SNX13: variants seen among roughly 807,000 people sequenced by gnomAD.
SNX13 encodes sorting nexin-13.
In SNX13, 45 loss-of-function variants were observed where a neutral mutation model predicts 133.6. That is an observed-to-expected ratio of 0.34 (90% CI 0.27 to 0.43). The LOEUF is 0.43. Ranked by LOEUF, SNX13 falls within the 20% of genes least tolerant of loss-of-function variation. The pLI is 1.00. For synonymous variants in SNX13, 414 were observed against 373.9 expected (o/e 1.11, Z -1.24); for missense variants, 1,032 against 1,145.1 (o/e 0.90, Z 1.43).
At chr7:17,860,158 GT>G (rs200380819) in intron 9 of SNX13, among the ~76,000 whole-genome samples, 6 of 149,810 alleles carry the variant, frequency 4.0e-5, no homozygotes, top group Admixed American at 6.6e-5. Context: ...CTGATATTTT[GT>G]TTTTTTTTCT....
intron 1 of SNX13, among the ~76,000 whole-genome samples, chr7:17,904,734 A>G (rs1194936896): frequency 6.6e-6 from 1 of 152,172 alleles, no homozygotes. Flanking sequence ...TGAGTCACAG[A>G]AATTATATAT....
At chr7:17,883,778 T>C (rs1795649002) in intron 5 of SNX13, among the ~76,000 whole-genome samples, 1 of 152,090 alleles carries the variant, frequency 6.6e-6, no homozygotes, top group Non-Finnish European at 1.5e-5. Context: ...GTTCTCATCG[T>C]TCTCATCTCA....
chr7:17,917,610 A>T (rs1363964588), intron 1 of SNX13, among the ~76,000 whole-genome samples: 1 of 152,140 alleles, frequency 6.6e-6, no homozygotes, highest in Admixed American at 6.5e-5. Context: ...CGACCTCTAC[A>T]AACAGAACTA....
chr7:17,892,384 G>C (rs1215667896), intron 3 of SNX13, among the ~76,000 whole-genome samples: 1 of 151,312 alleles, frequency 6.6e-6, no homozygotes, highest in African/African-American at 2.4e-5. Flanking sequence ...TTACTGTTAA[G>C]GATCTTAATT....
intron 21 of SNX13, among the ~76,000 whole-genome samples, chr7:17,802,512 C>G (rs2128287426): frequency 6.6e-6 from 1 of 152,084 alleles, no homozygotes; most frequent in South Asian, 2.1e-4. Context: ...GACAAAGAGG[C>G]CTAGAAAACT....
intron 5 of SNX13, among the ~76,000 whole-genome samples, chr7:17,876,918 G>C (rs552482151): frequency 1.4e-5 from 2 of 144,080 alleles, no homozygotes; most frequent in Non-Finnish European, 3.0e-5. Flanking sequence ...AGAAAACGAA[G>C]AGTCTATTCA....
chr7:17,795,824 TTTC>T (rs2074966023), intron 25 of SNX13: 2 of 151,810 alleles, frequency 1.3e-5, no homozygotes, highest in Admixed American at 1.3e-4. Flanking sequence ...TAAGCAATTG[TTTC>T]TTATTTTTCT....
rs752499568 is a variant in SNX13, at chr7:17,873,549, C to G, written c.732G>C (p.Lys244Asn). Residue 244 changes from lysine (K) to asparagine (N), a missense_variant, in exon 8 of 26, where the codon AAG becomes AAC. Lys to Asn is a moderately conservative substitution (Grantham distance 94). Coordinates refer to ENST00000428135, the MANE Select transcript of SNX13 (RefSeq NM_015132.5). ...LLLPPGDFQNKIMRYFVREIL... is the reference protein window; with the variant it reads ...LLLPPGDFQNNIMRYFVREIL... ...TTACCCTGACAAAGTATCGCATGAT[C>G]TTGTTCTGGAAATCTCCAGGAGGTA... 6.3e-7 allele frequency: 1 copy of G among 1,586,208 alleles called. No homozygotes were observed. Among genetic ancestry groups the G allele is most frequent in the Non-Finnish European group, 8.6e-7 (1 of 1,166,620 alleles).
chr7:17,869,937 AAC>A (rs1210052046), intron 8 of SNX13, among the ~76,000 whole-genome samples: 1 of 152,104 alleles, frequency 6.6e-6, no homozygotes, highest in Non-Finnish European at 1.5e-5. Context: ...AGGAGAAAAA[AAC>A]ACCTGGGGAA....
At chr7:17,814,754 TA>T in intron 20 of SNX13, 79 bp downstream of exon 20, 1 of 1,212,262 alleles carries the variant, frequency 8.2e-7, no homozygotes, top group Non-Finnish European at 1.1e-6. Flanking sequence ...CGTACAAATC[TA>T]AATTTATTTT....
At chr7:17,851,264 G>C (rs1791173772) in intron 9 of SNX13, among the ~76,000 whole-genome samples, 1 of 152,146 alleles carries the variant, frequency 6.6e-6, no homozygotes, top group South Asian at 2.1e-4. Context: ...CAAAAGATAT[G>C]GTCAGCAGCA....
intron 5 of SNX13, among the ~76,000 whole-genome samples, chr7:17,877,045 GAAAAAAAAAAA>G (rs57618763): frequency 3.3e-5 from 2 of 60,070 alleles, no homozygotes; most frequent in Non-Finnish European, 7.2e-5. Context: ...GTTACTTTTT[GAAAAAAAAAAA>G]AAAAAAAAAA....
intron 24 of SNX13, 45 bp downstream of exon 24, chr7:17,798,644 TA>T: frequency 7.2e-7 from 1 of 1,389,260 alleles, no homozygotes; most frequent in Non-Finnish European, 9.9e-7. Context: ...ATAACAATGC[TA>T]AACTCTGTAC....
In SNX13 at chr7:17,860,776, G is replaced by A. The variant is rs146912215; in HGVS notation, c.837+7631C>T. On this transcript the variant is annotated intron_variant, in intron 9 of 25. Coordinates refer to ENST00000428135, the MANE Select transcript of SNX13 (RefSeq NM_015132.5). Reference sequence around the variant, plus strand: ...ATGCAGATCATTTGAGTATGCACATGAGAACTTACTTCTCAGTTCTCTATT... The same window carrying A: ...ATGCAGATCATTTGAGTATGCACATAAGAACTTACTTCTCAGTTCTCTATT... Among the ~76,000 whole-genome samples the A allele has an allele frequency of 2.8e-3, 430 of 152,250 alleles. 12 individuals carry two copies. Among genetic ancestry groups the A allele is most frequent in the Admixed American group, 0.025 (388 of 15,290 alleles).
chr7:17,893,111 C>T (rs1796815739), intron 3 of SNX13, among the ~76,000 whole-genome samples: 1 of 152,148 alleles, frequency 6.6e-6, no homozygotes, highest in East Asian at 1.9e-4. Flanking sequence ...CTATCGTTTT[C>T]TCAAGTTTGT....
intron 1 of SNX13, among the ~76,000 whole-genome samples, chr7:17,903,871 T>C (rs1234455770): frequency 6.6e-6 from 1 of 152,200 alleles, no homozygotes; most frequent in East Asian, 1.9e-4. Flanking sequence ...AATAAATTCC[T>C]GGTCTGAAAA....
chr7:17,797,212 A>C (rs1784147952), intron 24 of SNX13, among the ~76,000 whole-genome samples: 1 of 151,886 alleles, frequency 6.6e-6, no homozygotes, highest in Non-Finnish European at 1.5e-5. Flanking sequence ...AAAATGGAAT[A>C]TGTACATGAC....
intron 9 of SNX13, among the ~76,000 whole-genome samples, chr7:17,858,589 TCA>T (rs1349720071): frequency 6.6e-6 from 1 of 152,082 alleles, no homozygotes; most frequent in Non-Finnish European, 1.5e-5. Context: ...TTCAATGTAA[TCA>T]CAGTTAAAAT....
At chr7:17,928,338 A>T (rs1275504158) in intron 1 of SNX13, among the ~76,000 whole-genome samples, 1 of 152,184 alleles carries the variant, frequency 6.6e-6, no homozygotes, top group Non-Finnish European at 1.5e-5. Context: ...CTAAAAAAAT[A>T]TATATATTAA....
Sources: gnomAD v4.1 joint callset for allele counts (sites outside exome capture counted in the v4.1 genomes callset) on GRCh38, gnomAD v4.1.1 for gene constraint, MANE v1.5 for transcripts, NCBI Gene and HGNC (gene_info 2026-07-23, HGNC 2026-07-21) for gene names.